LPP: variants seen among roughly 807,000 people sequenced by gnomAD.
LPP encodes lipoma-preferred partner.
LPP carries 38 observed loss-of-function variants against 60.4 expected under a neutral mutation model. The observed-to-expected ratio is 0.63, with a 90% CI of 0.49 to 0.83. LPP has a LOEUF of 0.83. Ranked by LOEUF, LPP falls within the 40% of genes least tolerant of loss-of-function variation. LPP has a pLI of 0.00. For missense variants in LPP, 902 were observed against 783.6 expected (o/e 1.15, Z -1.80); for synonymous variants, 328 against 290.8 (o/e 1.13, Z -1.30).
At chr3:188,258,991 C>G (rs1732643287) in intron 2 of LPP, among the ~76,000 whole-genome samples, 2 of 152,094 alleles carry the variant, frequency 1.3e-5, no homozygotes, top group South Asian at 4.1e-4. Flanking sequence ...TGGGAGCAAC[C>G]AAAAGTCAGT....
At chr3:188,607,409 ATATATAT>A (rs1275677345) in intron 6 of LPP, among the ~76,000 whole-genome samples, 94 of 39,778 alleles carry the variant, frequency 2.4e-3, no homozygotes, top group African/African-American at 4.8e-3. Flanking sequence ...ATATATATAT[ATATATAT>A]AATTTTTTTT....
rs139327644 is a variant in LPP, at chr3:188,748,743, G to A, written c.1241-11370G>A. On this transcript the variant is annotated intron_variant, in intron 8 of 11. Coordinates refer to ENST00000617246, the MANE Select transcript of LPP (RefSeq NM_001375462.1). ...GGTTGCTGTGAGCCAAGATTGTGCCGTTGCACTCCAGCTTGGGCAACAAGA... is the reference window on the plus strand; with the variant it reads ...GGTTGCTGTGAGCCAAGATTGTGCCATTGCACTCCAGCTTGGGCAACAAGA... Among the ~76,000 whole-genome samples the A allele has an allele frequency of 4.5e-3, 689 of 152,188 alleles. 8 individuals are homozygous for A. Among genetic ancestry groups the A allele is most frequent in the African/African-American group, 0.016 (650 of 41,510 alleles).
intron 3 of LPP, among the ~76,000 whole-genome samples, chr3:188,355,110 G>A (rs1232772643): frequency 1.3e-5 from 2 of 152,144 alleles, no homozygotes; most frequent in African/African-American, 4.8e-5. Flanking sequence ...CTGGGTTCAA[G>A]CGATTCTCCT....
intron 1 of LPP, among the ~76,000 whole-genome samples, chr3:188,173,560 T>C (rs1235847390): frequency 6.6e-6 from 1 of 151,720 alleles, no homozygotes; most frequent in Non-Finnish European, 1.5e-5. Context: ...GCAGAGTGAC[T>C]CCATCTCAAA....
At chr3:188,215,631 A>G (rs185922765) in intron 1 of LPP, among the ~76,000 whole-genome samples, 4 of 152,278 alleles carry the variant, frequency 2.6e-5, no homozygotes, top group African/African-American at 9.6e-5. Flanking sequence ...AGGGTGAATT[A>G]TATTCTGTGG....
chr3:188,720,554 C>T (rs1342728364), intron 8 of LPP, among the ~76,000 whole-genome samples: 1 of 148,890 alleles, frequency 6.7e-6, no homozygotes, highest in Admixed American at 6.8e-5. Flanking sequence ...AGAGTTCCCA[C>T]CAAAAATTGT....
At chr3:188,367,175 C>T (rs959702546) in intron 3 of LPP, among the ~76,000 whole-genome samples, 4 of 151,906 alleles carry the variant, frequency 2.6e-5, no homozygotes, top group African/African-American at 4.8e-5. Flanking sequence ...GGATTACAGG[C>T]GTGAGCCACT....
chr3:188,677,062 A>G (rs1858291391), intron 7 of LPP, among the ~76,000 whole-genome samples: 1 of 152,144 alleles, frequency 6.6e-6, no homozygotes, highest in Non-Finnish European at 1.5e-5. Context: ...ACTGTTGACG[A>G]CAATCATGCA....
chr3:188,359,777 C>T (rs1560293878), intron 3 of LPP, among the ~76,000 whole-genome samples: 1 of 152,164 alleles, frequency 6.6e-6, no homozygotes, highest in Non-Finnish European at 1.5e-5. Context: ...TCATCTGTCT[C>T]CAGGTTGTAA....
At chr3:188,828,673 G>A (rs1475065363) in intron 9 of LPP, among the ~76,000 whole-genome samples, 5 of 144,232 alleles carry the variant, frequency 3.5e-5, no homozygotes, top group Non-Finnish European at 6.0e-5. Flanking sequence ...ATGTGACCTG[G>A]GCAGGTTAAG....
chr3:188,593,230 A>G (rs1839298179), intron 6 of LPP, among the ~76,000 whole-genome samples: 2 of 151,192 alleles, frequency 1.3e-5, no homozygotes, highest in Non-Finnish European at 2.9e-5. Flanking sequence ...ATAATGATGT[A>G]GCTGATCTGC....
intron 6 of LPP, among the ~76,000 whole-genome samples, chr3:188,590,242 A>G (rs747198665): frequency 6.6e-6 from 1 of 152,202 alleles, no homozygotes; most frequent in African/African-American, 2.4e-5. Context: ...ATGTTCTTCA[A>G]GATCTTTTAA....
chr3:188,420,027 T>C (rs1787359067), intron 4 of LPP, among the ~76,000 whole-genome samples: 2 of 151,576 alleles, frequency 1.3e-5, no homozygotes, highest in African/African-American at 2.4e-5. Flanking sequence ...GTTCTTGCTA[T>C]TATTATTGAA....
chr3:188,606,427 C>T (rs1052614083), intron 6 of LPP, among the ~76,000 whole-genome samples: 1 of 151,846 alleles, frequency 6.6e-6, no homozygotes, highest in Non-Finnish European at 1.5e-5. Context: ...TTACAAGAAG[C>T]TCTTGGATAG....
At chr3:188,429,814 T>C (rs1313845060) in intron 4 of LPP, among the ~76,000 whole-genome samples, 3 of 152,170 alleles carry the variant, frequency 2.0e-5, no homozygotes, top group African/African-American at 7.2e-5. Context: ...AATATTGCTA[T>C]TGAATGCAGA....
intron 6 of LPP, among the ~76,000 whole-genome samples, chr3:188,539,303 T>C (rs1824492664): frequency 6.6e-6 from 1 of 152,186 alleles, no homozygotes; most frequent in Non-Finnish European, 1.5e-5. Flanking sequence ...ACAGTTATAG[T>C]ACTTAAGCGT....
intron 6 of LPP, among the ~76,000 whole-genome samples, chr3:188,549,326 T>G (rs1259733058): frequency 6.6e-6 from 1 of 152,186 alleles, no homozygotes; most frequent in Non-Finnish European, 1.5e-5. Flanking sequence ...TCTGTGTTAT[T>G]TAAAAATTTG....
chr3:188,478,481 A>C (rs1048649122), intron 4 of LPP, among the ~76,000 whole-genome samples: 1 of 152,092 alleles, frequency 6.6e-6, no homozygotes, highest in Admixed American at 6.5e-5. Context: ...ACCACATTAT[A>C]TAAAATATAT....
intron 6 of LPP, among the ~76,000 whole-genome samples, chr3:188,595,026 A>T (rs1044126210): frequency 1.3e-5 from 2 of 152,164 alleles, no homozygotes; most frequent in Non-Finnish European, 2.9e-5. Flanking sequence ...AATTATGAAA[A>T]TAATGTTTGA....
Sources: allele counts gnomAD v4.1 joint callset (sites outside exome capture counted in the v4.1 genomes callset), GRCh38; gene constraint gnomAD v4.1.1; transcripts MANE v1.5; gene names NCBI Gene and HGNC (gene_info 2026-07-23, HGNC 2026-07-21).